Variants in ADAMTS3 observed in about 807,000 individuals in gnomAD.
ADAMTS3 encodes the protein ADAM metallopeptidase with thrombospondin type 1 motif 3.
A neutral mutation model predicts 129.0 loss-of-function variants in ADAMTS3; 73 were observed. The ratio of observed to expected loss-of-function variants is 0.57; its 90% CI spans 0.47 to 0.69. The LOEUF is 0.69. Ranked by LOEUF, ADAMTS3 falls within the 30% of genes least tolerant of loss-of-function variation. The probability of loss-of-function intolerance (pLI) is 0.00; values close to 1 mark genes in which losing one functional copy is unlikely to be tolerated. For missense variants in ADAMTS3, 1,457 were observed against 1,514.5 expected, an observed-to-expected ratio of 0.96 and a Z score of 0.63; for synonymous variants, 477 against 510.8, an observed-to-expected ratio of 0.93 and a Z score of 0.89.
intron 21 of ADAMTS3, among the ~76,000 whole-genome samples, chr4:72,284,058 A>G (rs1718434223): frequency 6.6e-6 from 1 of 152,166 alleles, no homozygotes; most frequent in African/African-American, 2.4e-5. Context: ...GCAAAGGGGC[A>G]TCTGTATTTT....
At chr4:72,526,754 A>G (rs1488036797) in intron 3 of ADAMTS3, among the ~76,000 whole-genome samples, 1 of 67,378 alleles carries the variant, frequency 1.5e-5, no homozygotes, top group Non-Finnish European at 3.5e-5. Context: ...ATATATATAT[A>G]TATATATATA....
At chr4:72,368,770 T>C (rs1720932170) in intron 4 of ADAMTS3, among the ~76,000 whole-genome samples, 1 of 152,182 alleles carries the variant, frequency 6.6e-6, no homozygotes, top group Admixed American at 6.5e-5. Context: ...TTATGAAAAT[T>C]AGTCACAAGT....
At position 72,285,133 on chromosome 4, in the gene ADAMTS3, T is replaced by A. The variant is rs145015728; in HGVS notation, c.3050-1429A>T. Among the ~76,000 whole-genome samples the A allele has an allele frequency of 2.6e-5, 4 of 152,252 alleles. 1 individual carries two copies. The highest frequency in any genetic ancestry group is 9.6e-5 in the African/African-American group (4 of 41,552). On this transcript the variant is annotated intron_variant, in intron 21 of 21. Transcript: ENST00000286657. ...AATTGAAAAAATCCTTTTTCTAAAG[T>A]TAGAAACAAAAAAAGAGAGAGTCAG...
intron 4 of ADAMTS3, among the ~76,000 whole-genome samples, chr4:72,391,770 T>C (rs1336142160): frequency 6.6e-6 from 1 of 151,784 alleles, no homozygotes; most frequent in Non-Finnish European, 1.5e-5. Context: ...AAACCCACAA[T>C]ATGGTTTCAG....
intron 5 of ADAMTS3, among the ~76,000 whole-genome samples, chr4:72,326,697 TA>T (rs1041611089): frequency 8.7e-5 from 13 of 150,180 alleles, no homozygotes; most frequent in Admixed American, 4.7e-4. Context: ...GCACAAAGTT[TA>T]AAAAAAAAAT....
intron 4 of ADAMTS3, among the ~76,000 whole-genome samples, chr4:72,414,035 T>C (rs1166793007): frequency 6.6e-6 from 1 of 151,900 alleles, no homozygotes; most frequent in African/African-American, 2.4e-5. Flanking sequence ...ATTACTTATA[T>C]TTACTTATAT....
chr4:72,565,015 A>T (rs1721988811), intron 2 of ADAMTS3, among the ~76,000 whole-genome samples: 1 of 152,180 alleles, frequency 6.6e-6, no homozygotes. Context: ...GTAATGTTCA[A>T]CTTATTGATC....
intron 17 of ADAMTS3, among the ~76,000 whole-genome samples, chr4:72,299,001 G>A (rs1718883169): frequency 6.6e-6 from 1 of 151,044 alleles, no homozygotes; most frequent in Non-Finnish European, 1.5e-5. Flanking sequence ...TACCTAACTA[G>A]AGAAAACCAG....
intron 3 of ADAMTS3, among the ~76,000 whole-genome samples, chr4:72,543,861 C>T (rs116373517): frequency 1.4e-3 from 210 of 151,990 alleles, no homozygotes; most frequent in African/African-American, 4.7e-3. Flanking sequence ...ATGCTTAAGA[C>T]GGTACATTTT....
At chr4:72,563,798 G>T (rs765519938) in intron 2 of ADAMTS3, among the ~76,000 whole-genome samples, 10 of 152,232 alleles carry the variant, frequency 6.6e-5, no homozygotes, top group Non-Finnish European at 1.2e-4. Flanking sequence ...ATAATATCCT[G>T]CTTGCTAGAT....
At chr4:72,361,184 T>A (rs2109855263) in intron 4 of ADAMTS3, among the ~76,000 whole-genome samples, 1 of 152,266 alleles carries the variant, frequency 6.6e-6, no homozygotes, top group African/African-American at 2.4e-5. Flanking sequence ...ACAATGGAAA[T>A]TATACATTTT....
rs5859322 is a variant in ADAMTS3, at chr4:72,430,827, T to TAA, written c.505-15858_505-15857dup. On this transcript the variant is annotated intron_variant, in intron 3 of 21. Transcript: ENST00000286657. ...ATAGAGACAAAGTATCCAAAATCAT[T>TAA]AAAAAAAAAAAAACTCAAGGAAAAA... Among the ~76,000 whole-genome samples the TAA allele has an allele frequency of 8.2e-3, 1,177 of 143,064 alleles. 6 individuals are homozygous for TAA. The highest frequency in any genetic ancestry group is 0.035 in the Middle Eastern group (10 of 284). 93.9% of individuals were successfully genotyped at this position (143,064 alleles called of 152,430 possible).
At chr4:72,421,650 C>CA (rs1193336584) in intron 3 of ADAMTS3, among the ~76,000 whole-genome samples, 7 of 152,144 alleles carry the variant, frequency 4.6e-5, no homozygotes, top group African/African-American at 1.7e-4. Flanking sequence ...CATGTAAAAA[C>CA]ATTTAATTAG....
chr4:72,421,341 C>T (rs944116304), intron 3 of ADAMTS3, among the ~76,000 whole-genome samples: 6 of 152,216 alleles, frequency 3.9e-5, no homozygotes, highest in Non-Finnish European at 8.8e-5. Context: ...ATAAGCTTCA[C>T]ATGGGCATGG....
chr4:72,490,647 A>G (rs1035583209), intron 3 of ADAMTS3, among the ~76,000 whole-genome samples: 1 of 151,896 alleles, frequency 6.6e-6, no homozygotes, highest in Non-Finnish European at 1.5e-5. Flanking sequence ...GTTAAAGACC[A>G]GTTGACTGAG....
chr4:72,568,402 C>T (rs1722077010), intron 1 of ADAMTS3, among the ~76,000 whole-genome samples: 2 of 152,122 alleles, frequency 1.3e-5, no homozygotes, highest in African/African-American at 4.8e-5. Context: ...AGGATGGGAA[C>T]TGGCTGCGGT....
In ADAMTS3 at chr4:72,298,309, C is replaced by A; in HGVS notation, c.2558G>T (p.Ser853Ile). 1 of 1,612,952 alleles carries A rather than the reference C, an allele frequency of 6.2e-7. No homozygotes were observed. The highest frequency in any genetic ancestry group is 1.1e-5 in the South Asian group (1 of 91,020). ...ACAGGGTTTGGAACACTGAGACCAG[C>A]TCTTCAAAGCCCACTCAAAAGTATC... ...ELDTFEWALK[S>I]WSQCSKPCGG... Residue 853 changes from serine to isoleucine, a missense_variant, in exon 18 of 22, where the codon AGC becomes ATC. Transcript: ENST00000286657.
In ADAMTS3 at chr4:72,282,248, G is replaced by A. The variant is rs1468185353; in HGVS notation, c.*888C>T. 1 of 152,102 alleles carries A rather than the reference G, an allele frequency of 6.6e-6. No individual in the cohort carries two copies. Among genetic ancestry groups the A allele is most frequent in the African/African-American group, 2.4e-5 (1 of 41,420 alleles). 9.4% of individuals were successfully genotyped at this position (152,102 alleles called of 1,614,324 possible). A position where few individuals can be genotyped will look rare whatever the true frequency, so the allele number is the denominator to read the frequency against. ...ACACAAAAACAAAGGACACCTCAAC[G>A]GTGCCTACTGAGGTCCTGGAAAGAG... On this transcript the variant is annotated 3_prime_UTR_variant, in exon 22 of 22. Coordinates refer to ENST00000286657, the MANE Select transcript of ADAMTS3 (RefSeq NM_014243.3).
rs540113487 is a variant in ADAMTS3 at position 72,470,461 on chromosome 4, T to C, written c.505-55490A>G. On this transcript the variant is annotated intron_variant, in intron 3 of 21. Transcript: ENST00000286657. Reference sequence around the variant, plus strand: ...GTATAATATATATACACTCATAATATATACATATTATGAGTATGTATATAC... The same window carrying C: ...GTATAATATATATACACTCATAATACATACATATTATGAGTATGTATATAC... Among the ~76,000 whole-genome samples the C allele has an allele frequency of 1.1e-4, 17 of 150,738 alleles. No individual in the cohort carries two copies. The South Asian group carries it at 1.7e-3, about 15-fold the overall frequency.
Sources: gnomAD v4.1 joint callset for allele counts (sites outside exome capture counted in the v4.1 genomes callset) on GRCh38, gnomAD v4.1.1 for gene constraint, MANE v1.5 for transcripts, NCBI Gene and HGNC (gene_info 2026-07-23, HGNC 2026-07-21) for gene names.